NDUFA5: variants seen among roughly 807,000 people sequenced by gnomAD.
NDUFA5 encodes NADH:ubiquinone oxidoreductase subunit A5.
A neutral mutation model predicts 19.8 loss-of-function variants in NDUFA5; 11 were observed. That is an observed-to-expected ratio of 0.56 (90% CI 0.35 to 0.92). NDUFA5 has a LOEUF of 0.92. Among genes scored for constraint, NDUFA5 ranks in the 40% least tolerant of loss-of-function variants. NDUFA5 has a pLI of 0.01. For synonymous variants in NDUFA5, 47 were observed against 46.8 expected, an observed-to-expected ratio of 1.00 and a Z score of -0.01; for missense variants, 109 against 134.2, an observed-to-expected ratio of 0.81 and a Z score of 0.93.
At chr7:123,592,820 A>G in the NDUFA5 span, among the ~76,000 whole-genome samples, 1 of 152,006 alleles carries the variant, frequency 6.6e-6, no homozygotes, top group Non-Finnish European at 1.5e-5. Flanking sequence ...AGTCCTGGAT[A>G]TCCTTGTTAA....
At chr7:123,557,226 TA>T in intron 2 of NDUFA5, 177 bp downstream of exon 2, 3 of 883,374 alleles carry the variant, frequency 3.4e-6, no homozygotes, top group Non-Finnish European at 5.5e-6. Context: ...CAAAAATAAA[TA>T]AAAATGTGAC....
At chr7:123,581,984 G>A in the NDUFA5 span, among the ~76,000 whole-genome samples, 2 of 152,010 alleles carry the variant, frequency 1.3e-5, no homozygotes, top group African/African-American at 4.8e-5. Flanking sequence ...GAATTCTGGG[G>A]CAGAAATTGT....
chr7:123,593,585 A>C, the NDUFA5 span, among the ~76,000 whole-genome samples: 1 of 152,066 alleles, frequency 6.6e-6, no homozygotes, highest in African/African-American at 2.4e-5. Flanking sequence ...TTTTTCTTTA[A>C]GAATGTTGAA....
At chr7:123,576,186 C>T in the NDUFA5 span, among the ~76,000 whole-genome samples, 51 of 150,188 alleles carry the variant, frequency 3.4e-4, no homozygotes, top group African/African-American at 1.2e-3. Flanking sequence ...GTCCTGTAAT[C>T]CTTCAAATTT....
At chr7:123,570,085 C>A in the NDUFA5 span, among the ~76,000 whole-genome samples, 7 of 125,698 alleles carry the variant, frequency 5.6e-5, no homozygotes, top group South Asian at 1.0e-3. Context: ...CCCAGGCTGG[C>A]TTGCAGTGGC....
the NDUFA5 span, among the ~76,000 whole-genome samples, chr7:123,577,923 G>A: frequency 5.8e-3 from 874 of 151,656 alleles, 11 homozygotes; most frequent in African/African-American, 0.02. Context: ...TTTAAGTTCC[G>A]GGATACGTGT....
upstream of NDUFA5, among the ~76,000 whole-genome samples, chr7:123,558,917 G>A (rs1172199893): frequency 5.3e-5 from 8 of 151,968 alleles, no homozygotes; most frequent in Non-Finnish European, 1.0e-4. Context: ...TTTCATTAGA[G>A]GCATGAGACT....
chr7:123,574,322 T>C, the NDUFA5 span, among the ~76,000 whole-genome samples: 1 of 152,126 alleles, frequency 6.6e-6, no homozygotes, highest in African/African-American at 2.4e-5. Flanking sequence ...AGGACAATCT[T>C]TTAAGACAGT....
chr7:123,581,545 T>A, the NDUFA5 span, among the ~76,000 whole-genome samples: 11 of 152,010 alleles, frequency 7.2e-5, no homozygotes, highest in African/African-American at 2.4e-4. Flanking sequence ...TGTGTCATGT[T>A]CTAAAGACCT....
chr7:123,545,109 A>G (rs1186697754), intron 4 of NDUFA5, among the ~76,000 whole-genome samples: 1 of 152,090 alleles, frequency 6.6e-6, no homozygotes, highest in Admixed American at 6.6e-5. Context: ...TTACTACTCA[A>G]TATTATTTGT....
chr7:123,557,684 C>T (rs760798358), intron 1 of NDUFA5, 91 bp downstream of exon 1: 1 of 1,613,960 alleles, frequency 6.2e-7, no homozygotes, highest in Non-Finnish European at 8.5e-7. Flanking sequence ...GAGCCCGCGA[C>T]AGTAGGGGTC....
intron 4 of NDUFA5, among the ~76,000 whole-genome samples, chr7:123,544,050 A>C (rs1420160510): frequency 1.3e-5 from 2 of 152,258 alleles, no homozygotes; most frequent in Admixed American, 6.5e-5. Context: ...ATCAACAGTA[A>C]GAAAACATTA....
rs752111891 is a variant in NDUFA5, at chr7:123,557,808, G to T, written c.-13C>A. The T allele has an allele frequency of 2.5e-6, 4 of 1,613,886 alleles. No homozygotes were observed. In the African/African-American group the frequency reaches 5.3e-5, roughly 22 times the overall value. Reference sequence around the variant, plus strand: ...GCACACCCGCCATGACAGCGCCAACGACTCGGTGACGCACAACCCTTTGGG... The same window carrying T: ...GCACACCCGCCATGACAGCGCCAACTACTCGGTGACGCACAACCCTTTGGG... On this transcript the variant is annotated 5_prime_UTR_variant, in exon 1 of 5. Coordinates refer to ENST00000355749, the MANE Select transcript of NDUFA5 (RefSeq NM_005000.5).
At chr7:123,580,248 T>C in the NDUFA5 span, among the ~76,000 whole-genome samples, 2 of 152,042 alleles carry the variant, frequency 1.3e-5, no homozygotes, top group African/African-American at 2.4e-5. Context: ...ACAGGAGTTA[T>C]GCTAAGGTGG....
chr7:123,558,172 T>C (rs115647924), upstream of NDUFA5: 2,903 of 285,506 alleles, frequency 0.01, 83 homozygotes, highest in African/African-American at 0.058. Flanking sequence ...CAACCTTCCT[T>C]TCTCAGTTTA....
chr7:123,587,231 G>T, the NDUFA5 span, among the ~76,000 whole-genome samples: 1 of 151,474 alleles, frequency 6.6e-6, no homozygotes, highest in Non-Finnish European at 1.5e-5. Flanking sequence ...TTTCATCATT[G>T]TTTTATGTTT....
intron 4 of NDUFA5, among the ~76,000 whole-genome samples, chr7:123,544,649 A>G (rs1798061927): frequency 6.6e-6 from 1 of 151,682 alleles, no homozygotes; most frequent in South Asian, 2.1e-4. Context: ...ACTCATGTAT[A>G]AATAACCCAG....
chr7:123,591,062 T>C, the NDUFA5 span, among the ~76,000 whole-genome samples: 2 of 152,194 alleles, frequency 1.3e-5, no homozygotes, highest in East Asian at 1.9e-4. Flanking sequence ...TTTGTAGTAA[T>C]TGTAAATGGG....
the NDUFA5 span, among the ~76,000 whole-genome samples, chr7:123,568,845 A>G: frequency 6.6e-6 from 1 of 152,202 alleles, no homozygotes; most frequent in Admixed American, 6.5e-5. Flanking sequence ...ATAGAATGAG[A>G]AAATTAAGTA....
Sources: gnomAD v4.1 joint callset for allele counts (sites outside exome capture counted in the v4.1 genomes callset) on GRCh38, gnomAD v4.1.1 for gene constraint, MANE v1.5 for transcripts, NCBI Gene and HGNC (gene_info 2026-07-23, HGNC 2026-07-21) for gene names.